The following PSD3 variants were observed in gnomAD, a reference collection of about 807,000 sequenced individuals.
The protein encoded by PSD3 is PH and SEC7 domain-containing protein 3.
PSD3 carries 49 observed loss-of-function variants against 105.5 expected under a neutral mutation model. That is an observed-to-expected ratio of 0.46 (90% CI 0.37 to 0.59). The LOEUF (loss-of-function observed/expected upper bound fraction) is 0.59. Ranked by LOEUF, PSD3 falls within the 20% of genes least tolerant of loss-of-function variation. The pLI is 0.00. For synonymous variants in PSD3, 557 were observed against 457.8 expected, an observed-to-expected ratio of 1.22 and a Z score of -2.77; for missense variants, 1,561 against 1,263.8, an observed-to-expected ratio of 1.24 and a Z score of -3.57.
At chr8:18,594,759 C>A (rs945582272) in intron 12 of PSD3, among the ~76,000 whole-genome samples, 1 of 151,942 alleles carries the variant, frequency 6.6e-6, no homozygotes, top group African/African-American at 2.4e-5. Context: ...TCCTTCTGTA[C>A]ACGTTTTACA....
intron 11 of PSD3, among the ~76,000 whole-genome samples, chr8:18,601,808 T>G (rs1804460670): frequency 6.6e-6 from 1 of 152,228 alleles, no homozygotes; most frequent in Admixed American, 6.5e-5. Context: ...GATGTGAAAT[T>G]CTGATACTGC....
At chr8:18,870,098 G>T (rs963227241) in intron 3 of PSD3, among the ~76,000 whole-genome samples, 1 of 152,142 alleles carries the variant, frequency 6.6e-6, no homozygotes, top group East Asian at 1.9e-4. Flanking sequence ...GGGTTGGGGA[G>T]GGGAGTGGGA....
At chr8:19,074,611 ATTTTT>A (rs1206111403) in intron 1 of PSD3, among the ~76,000 whole-genome samples, 7 of 24,196 alleles carry the variant, frequency 2.9e-4, no homozygotes, top group South Asian at 3.1e-3. Context: ...ATATATATAT[ATTTTT>A]TTTTTTTTTT....
At chr8:18,972,575 T>A (rs1824716895) in intron 1 of PSD3, among the ~76,000 whole-genome samples, 1 of 152,196 alleles carries the variant, frequency 6.6e-6, no homozygotes, top group Non-Finnish European at 1.5e-5. Context: ...AATTCATACA[T>A]TAAAACCCTA....
intron 9 of PSD3, among the ~76,000 whole-genome samples, chr8:18,710,818 A>G (rs956301710): frequency 3.3e-5 from 5 of 151,986 alleles, no homozygotes; most frequent in African/African-American, 1.2e-4. Flanking sequence ...AGTAGCTGGG[A>G]TTACAGGTGC....
intron 9 of PSD3, among the ~76,000 whole-genome samples, chr8:18,708,950 C>G (rs1461778285): frequency 6.6e-6 from 1 of 152,174 alleles, no homozygotes; most frequent in Non-Finnish European, 1.5e-5. Flanking sequence ...GGAAACCACG[C>G]TTTTTCCAAG....
intron 4 of PSD3, among the ~76,000 whole-genome samples, chr8:18,845,226 T>C: frequency 6.6e-6 from 1 of 152,174 alleles, no homozygotes; most frequent in East Asian, 1.9e-4. Flanking sequence ...TTATAGGTAA[T>C]TTATGAGTTA....
At chr8:18,652,575 G>A in intron 10 of PSD3, among the ~76,000 whole-genome samples, 1 of 134,102 alleles carries the variant, frequency 7.5e-6, no homozygotes, top group East Asian at 2.2e-4. Flanking sequence ...TCAGCTCACT[G>A]CAACCTCTGT....
At chr8:18,824,919 A>G (rs77504810) in intron 4 of PSD3, among the ~76,000 whole-genome samples, 12,077 of 152,166 alleles carry the variant, frequency 0.079, 958 homozygotes, top group African/African-American at 0.2. Flanking sequence ...CCCTCTTTCC[A>G]TAAGTCCCCC....
intron 2 of PSD3, among the ~76,000 whole-genome samples, chr8:18,933,466 A>T (rs1304965773): frequency 6.6e-6 from 1 of 151,856 alleles, no homozygotes; most frequent in African/African-American, 2.4e-5. Context: ...TTTATTTTTT[A>T]AATTTTTTGT....
intron 2 of PSD3, among the ~76,000 whole-genome samples, chr8:18,929,384 T>C (rs1217633010): frequency 6.6e-6 from 1 of 151,836 alleles, no homozygotes; most frequent in African/African-American, 2.4e-5. Flanking sequence ...TTGGCAGGTC[T>C]CCAGATCTGG....
In PSD3 at chr8:18,953,470, C is replaced by T. The variant is rs545242507; in HGVS notation, c.22-17328G>A. On this transcript the variant is annotated intron_variant, in intron 1 of 15. Coordinates refer to ENST00000327040, the MANE Select transcript of PSD3 (RefSeq NM_015310.4). The stretch of plus-strand genomic sequence containing the variant: ...TCAATATACAAATGGCTAAATAGGC[C>T]GGGTGTGGTGGCTCACGCCTGTAAT... 1.1e-3 allele frequency among the ~76,000 whole-genome samples: 166 copies of T among 152,210 alleles called. 4 individuals carry two copies. The highest frequency in any genetic ancestry group is 0.01 in the South Asian group (50 of 4,818).
chr8:18,580,800 A>G (rs1802765356), intron 12 of PSD3, among the ~76,000 whole-genome samples: 1 of 152,128 alleles, frequency 6.6e-6, no homozygotes, highest in Non-Finnish European at 1.5e-5. Flanking sequence ...CTAAAGATAA[A>G]ATCACATAGA....
intron 4 of PSD3, among the ~76,000 whole-genome samples, chr8:18,851,236 C>T (rs926246466): frequency 2.0e-5 from 3 of 152,188 alleles, no homozygotes; most frequent in Non-Finnish European, 4.4e-5. Flanking sequence ...AAACTGAGGA[C>T]CAAGGAAGTC....
chr8:18,752,568 T>A (rs13255646), intron 9 of PSD3, among the ~76,000 whole-genome samples: 8 of 28,940 alleles, frequency 2.8e-4, no homozygotes, highest in African/African-American at 8.5e-4. Context: ...ATATATATTA[T>A]ATATATAATT....
intron 9 of PSD3, among the ~76,000 whole-genome samples, chr8:18,703,327 C>A (rs1801699682): frequency 6.6e-6 from 1 of 152,146 alleles, no homozygotes; most frequent in Admixed American, 6.5e-5. Flanking sequence ...AATGTCTCAG[C>A]AAGGGCCTTC....
At chr8:18,618,416 A>G (rs1194289742) in intron 11 of PSD3, among the ~76,000 whole-genome samples, 1 of 151,490 alleles carries the variant, frequency 6.6e-6, no homozygotes. Context: ...CTGGCTCAGA[A>G]TAAGCCTCTT....
intron 8 of PSD3, among the ~76,000 whole-genome samples, chr8:18,768,086 C>T (rs919156569): frequency 5.0e-5 from 5 of 99,918 alleles, no homozygotes; most frequent in African/African-American, 1.9e-4. Flanking sequence ...GCCTGGCCAA[C>T]ATAATAGAAT....
At chr8:18,654,378 GCT>G (rs1477058788) in intron 10 of PSD3, among the ~76,000 whole-genome samples, 1 of 152,102 alleles carries the variant, frequency 6.6e-6, no homozygotes, top group Non-Finnish European at 1.5e-5. Context: ...ATTGTAGAAT[GCT>G]CTGTTAGGTC....
Sources: allele counts gnomAD v4.1 joint callset (sites outside exome capture counted in the v4.1 genomes callset), GRCh38; gene constraint gnomAD v4.1.1; transcripts MANE v1.5; gene names NCBI Gene and HGNC (gene_info 2026-07-23, HGNC 2026-07-21).